KMT5B: variants seen among roughly 807,000 people sequenced by gnomAD.
KMT5B encodes histone-lysine N-methyltransferase KMT5B.
Under a neutral mutation model 83.2 loss-of-function variants are expected in KMT5B, and 10 were observed. That is an observed-to-expected ratio of 0.12 (90% CI 0.07 to 0.20). The LOEUF is 0.20. Among genes scored for constraint, KMT5B ranks in the 10% least tolerant of loss-of-function variants. KMT5B has a pLI of 1.00. For missense variants in KMT5B, 753 were observed against 1,067.2 expected, an observed-to-expected ratio of 0.71 and a Z score of 4.10; for synonymous variants, 349 against 388.8, an observed-to-expected ratio of 0.90 and a Z score of 1.20.
chr11:68,161,376 C>A (rs1201181283), intron 10 of KMT5B, among the ~76,000 whole-genome samples: 2 of 152,082 alleles, frequency 1.3e-5, no homozygotes, highest in African/African-American at 4.8e-5. Context: ...GATGTGGCTA[C>A]GATGATCCTT....
At chr11:68,196,288 T>C (rs913325517) in intron 1 of KMT5B, among the ~76,000 whole-genome samples, 10 of 152,012 alleles carry the variant, frequency 6.6e-5, no homozygotes, top group Non-Finnish European at 1.0e-4. Context: ...CCCAGTTCAG[T>C]GTTCACATCC....
chr11:68,160,167 T>TA (rs1219931613), intron 10 of KMT5B, among the ~76,000 whole-genome samples: 2 of 152,248 alleles, frequency 1.3e-5, no homozygotes, highest in African/African-American at 4.8e-5. Context: ...GAGGCTTGCC[T>TA]ACAAGGTGGA....
chr11:68,171,163 G>C lies in KMT5B; in HGVS notation c.841-12C>G, dbSNP rs999457734. 13 of 1,608,652 alleles carry C rather than the reference G, an allele frequency of 8.1e-6. No homozygotes were observed. The highest frequency in any genetic ancestry group is 1.0e-5 in the Non-Finnish European group (12 of 1,178,938). On this transcript the variant is annotated splice_polypyrimidine_tract_variant and intron_variant, in intron 8 of 10. Transcript: ENST00000304363. The surrounding 1 kb of genome is among the most constrained non-coding windows in gnomAD (Gnocchi z 5.1). ...CCAGTTGACACAAACTAAAATAAAA[G>C]TAACTCAGTAAGAAACTCACACCTG...
intron 3 of KMT5B, among the ~76,000 whole-genome samples, chr11:68,183,227 A>C (rs1857117603): frequency 1.3e-5 from 2 of 152,012 alleles, no homozygotes; most frequent in African/African-American, 4.8e-5. Flanking sequence ...AAAAAAAAAA[A>C]AACAAAGAAA....
rs2187566 is a variant in KMT5B at position 68,156,171 on chromosome 11, T to C, written c.*1517A>G. ...ATGGGCTACTTTCCTATAGACACTA[T>C]ACAAATCCCCTGAATTGATTTTTAC... On this transcript the variant is annotated 3_prime_UTR_variant, in exon 11 of 11. Coordinates refer to ENST00000304363, the MANE Select transcript of KMT5B (RefSeq NM_017635.5). 1.3e-5 allele frequency: 2 copies of C among 152,200 alleles called. No homozygotes were observed. Among genetic ancestry groups the C allele is most frequent in the Admixed American group, 6.5e-5 (1 of 15,280 alleles). 9.4% of individuals were successfully genotyped at this position (152,200 alleles called of 1,614,324 possible). A position where few individuals can be genotyped will look rare whatever the true frequency, so the allele number is the denominator to read the frequency against.
At chr11:68,178,234 T>A (rs1201139319) in intron 4 of KMT5B, among the ~76,000 whole-genome samples, 1 of 152,244 alleles carries the variant, frequency 6.6e-6, no homozygotes, top group East Asian at 1.9e-4. Flanking sequence ...AGACCTGGAA[T>A]GAAACTTGGC....
intron 1 of KMT5B, among the ~76,000 whole-genome samples, chr11:68,201,151 G>A (rs532299837): frequency 5.9e-5 from 9 of 152,228 alleles, no homozygotes; most frequent in Admixed American, 4.6e-4. Context: ...ATCATAACAC[G>A]ATGCCACTAA....
chr11:68,166,964 C>T lies in KMT5B; in HGVS notation c.1174+18G>A. 6.2e-7 allele frequency: 1 copy of T among 1,611,190 alleles called. No individual in the cohort carries two copies. Among genetic ancestry groups the T allele is most frequent in the Non-Finnish European group, 8.5e-7 (1 of 1,177,992 alleles). On this transcript the variant is annotated intron_variant, in intron 10 of 10. Coordinates refer to ENST00000304363, the MANE Select transcript of KMT5B (RefSeq NM_017635.5). ...AAATACTTTTAAAAGATATGCTTAT[C>T]AAATCTCCCTTACTTACTTGCATTG...
At chr11:68,161,329 A>T (rs1193730395) in intron 10 of KMT5B, among the ~76,000 whole-genome samples, 1 of 152,180 alleles carries the variant, frequency 6.6e-6, no homozygotes, top group South Asian at 2.1e-4. Context: ...TGAAGAAAGG[A>T]CTGCACTGCT....
At chr11:68,166,228 T>C (rs1855307495) in intron 10 of KMT5B, 1 of 1,253,760 alleles carries the variant, frequency 8.0e-7, no homozygotes, top group South Asian at 2.6e-5. Flanking sequence ...GGTTCCAATA[T>C]TTCAAAGCTC....
At chr11:68,180,311 C>A in intron 3 of KMT5B, 111 bp from the exon 4 acceptor site, 1 of 1,413,598 alleles carries the variant, frequency 7.1e-7, no homozygotes, top group Admixed American at 2.3e-5. Flanking sequence ...CTTTAAAACT[C>A]TGTGATAATC....
chr11:68,181,122 T>C (rs150343299), intron 3 of KMT5B, among the ~76,000 whole-genome samples: 10,063 of 151,630 alleles, frequency 0.066, 433 homozygotes, highest in African/African-American at 0.11. Flanking sequence ...TTGCCCAGGC[T>C]GGAGTGCAGT....
intron 9 of KMT5B, among the ~76,000 whole-genome samples, chr11:68,167,992 T>C (rs1166673185): frequency 6.6e-6 from 1 of 151,944 alleles, no homozygotes; most frequent in African/African-American, 2.4e-5. Context: ...GTGAACATGG[T>C]GAAACCCTGT....
intron 1 of KMT5B, among the ~76,000 whole-genome samples, chr11:68,195,849 T>C (rs907072645): frequency 6.6e-6 from 1 of 152,228 alleles, no homozygotes; most frequent in East Asian, 1.9e-4. Flanking sequence ...GTGTGTATAC[T>C]TGGTCATTAA....
At chr11:68,179,715 A>G in intron 4 of KMT5B, 1 of 981,984 alleles carries the variant, frequency 1.0e-6, no homozygotes, top group East Asian at 6.5e-5. Flanking sequence ...TATAAAATAA[A>G]ACCATGAGGC....
In KMT5B at chr11:68,185,885, T is replaced by C. The variant is rs1410605174; in HGVS notation, c.204A>G (p.Pro68=). 6.2e-7 allele frequency: 1 copy of C among 1,614,000 alleles called. No homozygotes were observed. Among genetic ancestry groups the C allele is most frequent in the Admixed American group, 1.7e-5 (1 of 59,982 alleles). Residue 68 remains proline, a synonymous_variant, in exon 3 of 11, where the codon CCA becomes CCG. Transcript: ENST00000304363. ...GTTCCTTGGCGGACATTCCAGAGGA[T>C]GGTACATAGCGACTCTGTCCTTCAA... ...SGFEGQSRYV[P]SSGMSAKELC... is the part of the protein sequence containing the mutation.
intron 2 of KMT5B, chr11:68,189,477 T>G (rs1370808047): frequency 6.5e-6 from 1 of 154,194 alleles, no homozygotes; most frequent in Admixed American, 6.5e-5. Flanking sequence ...GTCAGTTCTA[T>G]CTATCCTCAT....
Position 68,194,805 on chromosome 11 carries a change from T to C in KMT5B, c.-76-4653A>G, listed in dbSNP as rs575052646. 1.2e-3 allele frequency among the ~76,000 whole-genome samples: 181 copies of C among 152,334 alleles called. 1 individual carries two copies. Among genetic ancestry groups the C allele is most frequent in the African/African-American group, 3.1e-3 (129 of 41,576 alleles). ...GATGTTCTGTGGCTATAAGCTTTCA[T>C]TGGTACAGATGCATAAACTTGGCAT... On this transcript the variant is annotated intron_variant, in intron 1 of 10. Transcript: ENST00000304363.
rs1157282536 is a variant in KMT5B, at chr11:68,155,688, T to C, written c.*2000A>G. 1 of 152,166 alleles carries C rather than the reference T, an allele frequency of 6.6e-6. No homozygotes were observed. The highest frequency in any genetic ancestry group is 2.4e-5 in the African/African-American group (1 of 41,430). The allele number at this position is 152,166 out of a possible 1,614,324, so 9.4% of individuals were successfully genotyped here. A position where few individuals can be genotyped will look rare whatever the true frequency, so the allele number is the denominator to read the frequency against. On this transcript the variant is annotated 3_prime_UTR_variant, in exon 11 of 11. Coordinates refer to ENST00000304363, the MANE Select transcript of KMT5B (RefSeq NM_017635.5). The stretch of plus-strand genomic sequence containing the variant: ...TCAGTGGCAGGGGTTCACATTTCTA[T>C]GCAGGGACCCCATGAGGGCTGGACG...
Sources: gnomAD v4.1 joint callset for allele counts (sites outside exome capture counted in the v4.1 genomes callset) on GRCh38, gnomAD v4.1.1 for gene constraint, Gnocchi (gnomAD v3.1) non-coding constraint, MANE v1.5 for transcripts, NCBI Gene and HGNC (gene_info 2026-07-23, HGNC 2026-07-21) for gene names.